ADD3: variants seen among roughly 807,000 people sequenced by gnomAD.
ADD3 encodes adducin 3, also known as gamma-adducin.
ADD3 carries 25 observed loss-of-function variants against 80.2 expected under a neutral mutation model. The observed-to-expected ratio is 0.31, with a 90% CI of 0.23 to 0.44. The LOEUF is 0.44. ADD3 is among the 20% of genes least tolerant of loss of function. ADD3 has a pLI of 1.00. For missense variants in ADD3, 829 were observed against 847.5 expected, an observed-to-expected ratio of 0.98 and a Z score of 0.27; for synonymous variants, 284 against 289.6, an observed-to-expected ratio of 0.98 and a Z score of 0.20.
At chr10:110,125,053 T>A (rs577862460) in intron 10 of ADD3, among the ~76,000 whole-genome samples, 74 of 152,320 alleles carry the variant, frequency 4.9e-4, no homozygotes, top group African/African-American at 1.8e-3. Context: ...ATATTCAGAA[T>A]TAGTTCATCT....
At chr10:110,096,312 G>A (rs1423078175) in intron 1 of ADD3, among the ~76,000 whole-genome samples, 3 of 120,406 alleles carry the variant, frequency 2.5e-5, no homozygotes, top group Non-Finnish European at 4.4e-5. Flanking sequence ...CCTCTCTCCA[G>A]TCTCCAGTAG....
intron 1 of ADD3, among the ~76,000 whole-genome samples, chr10:110,056,629 A>G (rs1858227074): frequency 6.6e-6 from 1 of 152,206 alleles, no homozygotes; most frequent in African/African-American, 2.4e-5. Flanking sequence ...GTGAAAAATT[A>G]ATTTTGTGGT....
At chr10:110,009,154 G>A (rs1427946074) in intron 1 of ADD3, among the ~76,000 whole-genome samples, 3 of 152,182 alleles carry the variant, frequency 2.0e-5, no homozygotes, top group African/African-American at 7.2e-5. Flanking sequence ...TGGCACATGT[G>A]CTGTTGCAAT....
chr10:110,115,532 G>T (rs1203134583), intron 3 of ADD3, among the ~76,000 whole-genome samples: 1 of 152,156 alleles, frequency 6.6e-6, no homozygotes, highest in African/African-American at 2.4e-5. Context: ...AGTAAAATGA[G>T]AAAGAACATA....
chr10:110,077,174 C>T (rs1845466367), intron 1 of ADD3: 1 of 152,166 alleles, frequency 6.6e-6, no homozygotes. Context: ...AGGGGAAACA[C>T]AGATAAGATA....
intron 1 of ADD3, among the ~76,000 whole-genome samples, chr10:110,049,256 G>C (rs909152272): frequency 2.6e-5 from 4 of 152,212 alleles, no homozygotes; most frequent in Non-Finnish European, 5.9e-5. Context: ...TTGCTGCAGG[G>C]CTGGGGCCGT....
intron 1 of ADD3, among the ~76,000 whole-genome samples, chr10:110,029,524 TA>T (rs879649616): frequency 2.6e-5 from 4 of 152,234 alleles, no homozygotes; most frequent in African/African-American, 4.8e-5. Context: ...TTGAGATATT[TA>T]TTTGAAAATT....
At chr10:110,023,347 A>G (rs1853908586) in intron 1 of ADD3, among the ~76,000 whole-genome samples, 1 of 152,188 alleles carries the variant, frequency 6.6e-6, no homozygotes, top group African/African-American at 2.4e-5. Flanking sequence ...TGAGTCTGCC[A>G]GTGTCTTGAT....
At chr10:110,077,800 T>C (rs191245865) in intron 1 of ADD3, among the ~76,000 whole-genome samples, 76 of 152,278 alleles carry the variant, frequency 5.0e-4, no homozygotes, top group African/African-American at 1.7e-3. Context: ...CTGTCTGATC[T>C]TTTTTCCCCC....
chr10:110,076,441 A>G (rs1001966617), intron 1 of ADD3, among the ~76,000 whole-genome samples: 6 of 152,198 alleles, frequency 3.9e-5, no homozygotes, highest in Non-Finnish European at 8.8e-5. Context: ...TTACATGTAC[A>G]TTTCAATATT....
intron 1 of ADD3, among the ~76,000 whole-genome samples, chr10:110,098,933 C>A (rs1848486622): frequency 6.6e-6 from 1 of 151,856 alleles, no homozygotes; most frequent in Non-Finnish European, 1.5e-5. Context: ...GGCCTGAATA[C>A]AGAAACTTTT....
chr10:110,124,002 T>G lies in ADD3; in HGVS notation c.1144-15T>G, dbSNP rs1379655830. 1.2e-6 allele frequency: 2 copies of G among 1,608,860 alleles called. No homozygotes were observed. Among genetic ancestry groups the G allele is most frequent in the Admixed American group, 3.3e-5 (2 of 59,848 alleles). Reference sequence around the variant, plus strand: ...ACAGGTTTGATGCTTCAAATGTGGCTTTTCCCTCCCTTAGGGGTATAGAAC... The same window carrying G: ...ACAGGTTTGATGCTTCAAATGTGGCGTTTCCCTCCCTTAGGGGTATAGAAC... On this transcript the variant is annotated splice_polypyrimidine_tract_variant and intron_variant, in intron 9 of 14. Coordinates refer to ENST00000356080, the MANE Select transcript of ADD3 (RefSeq NM_016824.5).
At chr10:110,128,707 A>G (rs771885178) in intron 12 of ADD3, among the ~76,000 whole-genome samples, 30 of 152,126 alleles carry the variant, frequency 2.0e-4, no homozygotes, top group Admixed American at 4.6e-4. Flanking sequence ...GTGAGCCACC[A>G]CGCCCAGCCA....
chr10:110,007,069 G>C (rs547665953), upstream of ADD3, among the ~76,000 whole-genome samples: 16 of 152,154 alleles, frequency 1.1e-4, no homozygotes, highest in Non-Finnish European at 2.1e-4. Flanking sequence ...TCTGGGCGAG[G>C]GGGGTGGGAG....
At chr10:110,041,211 G>A (rs1856323292) in intron 1 of ADD3, among the ~76,000 whole-genome samples, 1 of 152,214 alleles carries the variant, frequency 6.6e-6, no homozygotes, top group Non-Finnish European at 1.5e-5. Context: ...CAAGCTAGAA[G>A]TTTGACAGGA....
intron 1 of ADD3, among the ~76,000 whole-genome samples, chr10:110,084,446 T>C (rs1846449901): frequency 6.6e-6 from 1 of 152,222 alleles, no homozygotes; most frequent in African/African-American, 2.4e-5. Flanking sequence ...AATCTTTAGT[T>C]AAATAAATTT....
intron 1 of ADD3, among the ~76,000 whole-genome samples, chr10:110,044,683 A>G (rs1357706793): frequency 6.6e-6 from 1 of 152,250 alleles, no homozygotes; most frequent in Non-Finnish European, 1.5e-5. Context: ...TAAAGAAGTA[A>G]TAGGTGTCAA....
At chr10:110,104,551 T>C (rs998168936) in intron 2 of ADD3, among the ~76,000 whole-genome samples, 8 of 152,210 alleles carry the variant, frequency 5.3e-5, no homozygotes, top group Non-Finnish European at 1.2e-4. Flanking sequence ...TGGGATTCAC[T>C]CTGTTAAACA....
chr10:110,073,351 C>G (rs1307749396), intron 1 of ADD3, among the ~76,000 whole-genome samples: 2 of 151,896 alleles, frequency 1.3e-5, no homozygotes, highest in Admixed American at 6.6e-5. Context: ...ACCGTGTTAG[C>G]CAGGATGGTC....
Sources: gnomAD v4.1 joint callset for allele counts (sites outside exome capture counted in the v4.1 genomes callset) on GRCh38, gnomAD v4.1.1 for gene constraint, MANE v1.5 for transcripts, NCBI Gene and HGNC (gene_info 2026-07-23, HGNC 2026-07-21) for gene names.